ENTPD1: variants seen among roughly 807,000 people sequenced by gnomAD.
ENTPD1 encodes ATP diphosphohydrolase.
Under a neutral mutation model 57.0 loss-of-function variants are expected in ENTPD1, and 33 were observed. The observed-to-expected ratio is 0.58, with a 90% confidence interval of 0.44 to 0.77. The LOEUF (loss-of-function observed/expected upper bound fraction) is 0.77. Ranked by LOEUF, ENTPD1 falls within the 30% of genes least tolerant of loss-of-function variation. The probability of loss-of-function intolerance (pLI) is 0.00; values close to 1 mark genes in which losing one functional copy is unlikely to be tolerated. For synonymous variants in ENTPD1, 202 were observed against 218.8 expected (o/e 0.92, Z 0.68); for missense variants, 501 against 603.4 (o/e 0.83, Z 1.78).
chr10:95,723,605 G>A (rs1363078932), intron 1 of ENTPD1, among the ~76,000 whole-genome samples: 5 of 152,168 alleles, frequency 3.3e-5, no homozygotes, highest in Admixed American at 3.3e-4. Flanking sequence ...GAGGTAAGGA[G>A]AATTTTGGGG....
chr10:95,695,907 T>C, the ENTPD1 span, among the ~76,000 whole-genome samples: 1 of 152,212 alleles, frequency 6.6e-6, no homozygotes, highest in African/African-American at 2.4e-5. Flanking sequence ...TTCAGGATTG[T>C]ATTTCTTTCT....
rs1447524526 is a variant in ENTPD1 at position 95,839,463 on chromosome 10, A to T, written c.145-228A>T. ...TACTGCTTCTTGGGCCCTGTTCTGC[A>T]TAAGGTCTGAATATTTCTAACATGC... On this transcript the variant is annotated intron_variant, in intron 2 of 9. Transcript: ENST00000371205. 4 of 566,610 alleles carry T rather than the reference A, an allele frequency of 7.1e-6. No individual in the cohort carries two copies. In the East Asian group the frequency reaches 1.3e-4, roughly 18 times the overall value. The allele number at this position is 566,610 out of a possible 1,614,324, so 35.1% of individuals were successfully genotyped here.
At chr10:95,751,234 T>C (rs1380784034), upstream of ENTPD1, among the ~76,000 whole-genome samples, 1 of 152,084 alleles carries the variant, frequency 6.6e-6, no homozygotes, top group Non-Finnish European at 1.5e-5. Flanking sequence ...TTATCAGATA[T>C]CGATTTCAGA....
At chr10:95,866,122 G>A in intron 9 of ENTPD1, 55 bp from the exon 10 acceptor site, 1 of 1,569,134 alleles carries the variant, frequency 6.4e-7, no homozygotes, top group Non-Finnish European at 8.7e-7. Context: ...TAAGCCCTAG[G>A]TGATAACTCT....
intron 1 of ENTPD1, among the ~76,000 whole-genome samples, chr10:95,813,002 G>A (rs1203847747): frequency 3.3e-5 from 5 of 151,958 alleles, no homozygotes; most frequent in Non-Finnish European, 5.9e-5. Flanking sequence ...TTAAAATGAC[G>A]CTTATATATT....
chr10:95,784,513 G>T (rs1167097039), intron 1 of ENTPD1, among the ~76,000 whole-genome samples: 3 of 152,172 alleles, frequency 2.0e-5, no homozygotes, highest in African/African-American at 2.4e-5. Flanking sequence ...GAAAAACTCA[G>T]GCTGTGTTTC....
At chr10:95,865,948 A>G (rs917810262) in intron 9 of ENTPD1, among the ~76,000 whole-genome samples, 2 of 151,968 alleles carry the variant, frequency 1.3e-5, no homozygotes, top group Non-Finnish European at 2.9e-5. Flanking sequence ...TATTTTTTAG[A>G]GAGACAGGGT....
intron 7 of ENTPD1, among the ~76,000 whole-genome samples, chr10:95,850,617 G>T (rs942686244): frequency 6.6e-6 from 1 of 152,142 alleles, no homozygotes; most frequent in African/African-American, 2.4e-5. Context: ...ACAAAAATCT[G>T]GAAATTTTAA....
At chr10:95,822,335 C>T (rs573544883) in intron 1 of ENTPD1, among the ~76,000 whole-genome samples, 2 of 149,342 alleles carry the variant, frequency 1.3e-5, no homozygotes, top group East Asian at 2.0e-4. Flanking sequence ...CTTGTTCTGT[C>T]GCCCAGCCTG....
At chr10:95,827,508 C>T (rs1035806389) in intron 2 of ENTPD1, among the ~76,000 whole-genome samples, 14 of 152,038 alleles carry the variant, frequency 9.2e-5, no homozygotes, top group East Asian at 3.9e-4. Flanking sequence ...TTTTTTGAGA[C>T]GGAGTTTCGC....
At position 95,877,235 on chromosome 10, in the gene ENTPD1, A is replaced by G. The variant is rs1019355029; in HGVS notation, c.*10852A>G. Among the ~76,000 whole-genome samples the G allele has an allele frequency of 1.3e-5, 2 of 152,262 alleles. No homozygotes were observed. Among genetic ancestry groups the G allele is most frequent in the Non-Finnish European group, 2.9e-5 (2 of 68,038 alleles). On this transcript the variant is annotated 3_prime_UTR_variant, in exon 10 of 10. Coordinates refer to ENST00000371205, the MANE Select transcript of ENTPD1 (RefSeq NM_001776.6). ...TGCTTTTCACATATGCTTAAAGCCTAAAACCTCTTAATAAACTTCTTCTGA... is the reference window on the plus strand; with the variant it reads ...TGCTTTTCACATATGCTTAAAGCCTGAAACCTCTTAATAAACTTCTTCTGA...
At chr10:95,749,024 G>T (rs556815577) in intron 1 of ENTPD1, among the ~76,000 whole-genome samples, 17 of 152,266 alleles carry the variant, frequency 1.1e-4, no homozygotes, top group African/African-American at 3.1e-4. Flanking sequence ...CCATCAGAAG[G>T]CAGAGAATGA....
chr10:95,823,508 G>A, intron 2 of ENTPD1, 144 bp downstream of exon 2: 1 of 1,288,266 alleles, frequency 7.8e-7, no homozygotes, highest in Non-Finnish European at 1.1e-6. Flanking sequence ...ACTGGATTAG[G>A]GGAGTAAAAT....
chr10:95,694,553 C>G, the ENTPD1 span, among the ~76,000 whole-genome samples: 4 of 149,908 alleles, frequency 2.7e-5, no homozygotes, highest in South Asian at 8.5e-4. Context: ...TTAGAAAAAG[C>G]AGTGAGAGAA....
chr10:95,714,243 C>T (rs182550342), intron 1 of ENTPD1, among the ~76,000 whole-genome samples: 5 of 152,080 alleles, frequency 3.3e-5, no homozygotes, highest in East Asian at 1.9e-4. Flanking sequence ...CCTGGGAGGA[C>T]GAGGCTGCAG....
At chr10:95,756,097 G>A (rs1053608371), upstream of ENTPD1, 32 of 1,522,098 alleles carry the variant, frequency 2.1e-5, no homozygotes, top group African/African-American at 2.8e-5. Context: ...AACGGGGCCG[G>A]CTAATTTAGC....
chr10:95,780,435 G>T (rs1566139360), intron 1 of ENTPD1, among the ~76,000 whole-genome samples: 1 of 152,180 alleles, frequency 6.6e-6, no homozygotes. Context: ...AATCAATGAA[G>T]TTATAAAACA....
rs1438618831 is a variant in ENTPD1, at chr10:95,870,527, C to G, written c.*4144C>G. 2 of 976,766 alleles carry G rather than the reference C, an allele frequency of 2.0e-6. No individual in the cohort carries two copies. The highest frequency in any genetic ancestry group is 2.4e-6 in the Non-Finnish European group (2 of 822,230). The allele number at this position is 976,766 out of a possible 1,614,324, so 60.5% of individuals were successfully genotyped here. A position where few individuals can be genotyped will look rare whatever the true frequency, so the allele number is the denominator to read the frequency against. ...CTCCTGCCCTCAAGCAATCCTCCTG[C>G]CTTGGCCTCCCAAAGTGTTGAGATT... On this transcript the variant is annotated 3_prime_UTR_variant, in exon 10 of 10. Coordinates refer to ENST00000371205, the MANE Select transcript of ENTPD1 (RefSeq NM_001776.6).
At chr10:95,845,163 C>T (rs1032280329) in intron 5 of ENTPD1, among the ~76,000 whole-genome samples, 194 bp from the exon 6 acceptor site, 3 of 152,172 alleles carry the variant, frequency 2.0e-5, no homozygotes, top group African/African-American at 4.8e-5. Flanking sequence ...CTTCTATGTC[C>T]GGCAGTCTGA....
Sources: gnomAD v4.1 joint callset for allele counts (sites outside exome capture counted in the v4.1 genomes callset) on GRCh38, gnomAD v4.1.1 for gene constraint, MANE v1.5 for transcripts, NCBI Gene and HGNC (gene_info 2026-07-23, HGNC 2026-07-21) for gene names.